The following RANBP2 variants were observed in gnomAD, a reference collection of about 807,000 sequenced individuals.
The protein encoded by RANBP2 is RAN binding protein 2.
RANBP2 carries 57 observed loss-of-function variants against 303.6 expected under a neutral mutation model. That is an observed-to-expected ratio of 0.19 (90% CI 0.15 to 0.23). The LOEUF (loss-of-function observed/expected upper bound fraction) is 0.23, where lower values mean the gene tolerates loss of function less well. Among genes scored for constraint, RANBP2 ranks in the 10% least tolerant of loss-of-function variants. The pLI is 1.00. For synonymous variants in RANBP2, 1,167 were observed against 1,301.5 expected, an observed-to-expected ratio of 0.90 and a Z score of 2.23; for missense variants, 3,138 against 3,780.8, an observed-to-expected ratio of 0.83 and a Z score of 4.46.
At chr2:109,652,799 T>C in the RANBP2 span, among the ~76,000 whole-genome samples, 41 of 152,320 alleles carry the variant, frequency 2.7e-4, no homozygotes, top group South Asian at 3.3e-3. Context: ...ACGGATTTGC[T>C]CTGACTGGTA....
chr2:109,032,162 C>G, the RANBP2 span, among the ~76,000 whole-genome samples: 1 of 152,150 alleles, frequency 6.6e-6, no homozygotes, highest in Non-Finnish European at 1.5e-5. Flanking sequence ...CACCTTCCCC[C>G]TGTTTTGTTA....
the RANBP2 span, among the ~76,000 whole-genome samples, chr2:109,714,964 T>G: frequency 8.2e-3 from 133 of 16,254 alleles, 1 homozygote; most frequent in African/African-American, 0.028. Flanking sequence ...AGGTTTTTTT[T>G]GGGGGGGTGG....
At chr2:109,183,651 T>C in the RANBP2 span, among the ~76,000 whole-genome samples, 1 of 152,350 alleles carries the variant, frequency 6.6e-6, no homozygotes, top group Admixed American at 6.5e-5. Flanking sequence ...CCACTCACTC[T>C]TTGATTCTGA....
chr2:108,800,136 G>A, the RANBP2 span, among the ~76,000 whole-genome samples: 1 of 152,054 alleles, frequency 6.6e-6, no homozygotes, highest in Non-Finnish European at 1.5e-5. Flanking sequence ...TTCTTTGTAT[G>A]TTCAGTGATT....
At chr2:109,614,750 G>C in the RANBP2 span, 14 of 1,482,640 alleles carry the variant, frequency 9.4e-6, no homozygotes, top group African/African-American at 1.9e-4. Flanking sequence ...GTGAAGGGCC[G>C]TCCGAGCCCT....
chr2:109,419,577 C>A, the RANBP2 span: 1 of 1,599,014 alleles, frequency 6.3e-7, no homozygotes, highest in Non-Finnish European at 8.5e-7. Context: ...CCACGGCTGT[C>A]CCACGGGCTG....
the RANBP2 span, chr2:109,501,703 G>A: frequency 4.1e-6 from 3 of 728,360 alleles, no homozygotes; most frequent in African/African-American, 3.5e-5. Flanking sequence ...AGCTCACAGA[G>A]GGGGAGGCCG....
At chr2:109,166,459 G>GGAA in the RANBP2 span, among the ~76,000 whole-genome samples, 1,304 of 134,298 alleles carry the variant, frequency 9.7e-3, 34 homozygotes, top group African/African-American at 0.034. Flanking sequence ...CCTGGTGACA[G>GGAA]AAAAAAAAAA....
chr2:109,268,601 T>G, the RANBP2 span, among the ~76,000 whole-genome samples: 4 of 152,222 alleles, frequency 2.6e-5, no homozygotes, highest in Admixed American at 6.5e-5. Context: ...GGTCCCCCAC[T>G]GAACAATTTT....
chr2:109,698,443 A>G, the RANBP2 span, among the ~76,000 whole-genome samples: 1 of 150,944 alleles, frequency 6.6e-6, no homozygotes, highest in Non-Finnish European at 1.5e-5. Context: ...TCCAGCCTGG[A>G]CGACAGAGTG....
the RANBP2 span, among the ~76,000 whole-genome samples, chr2:109,630,489 C>T: frequency 5.3e-5 from 8 of 152,336 alleles, no homozygotes; most frequent in South Asian, 6.2e-4. Flanking sequence ...CCCTGCCTTG[C>T]GGTTCCTGTG....
At chr2:109,717,272 C>CAAAAAAAAAAAAA in the RANBP2 span, among the ~76,000 whole-genome samples, 1 of 124,796 alleles carries the variant, frequency 8.0e-6, no homozygotes, top group African/African-American at 3.2e-5. Flanking sequence ...AAAAACAAAC[C>CAAAAAAAAAAAAA]AAAAAAAAAA....
chr2:108,853,920 AT>A, the RANBP2 span, among the ~76,000 whole-genome samples: 16 of 122,872 alleles, frequency 1.3e-4, no homozygotes, highest in African/African-American at 4.9e-4. Context: ...TATAGTATAT[AT>A]ATTATATATA....
At chr2:109,188,824 A>G in the RANBP2 span, among the ~76,000 whole-genome samples, 1 of 152,010 alleles carries the variant, frequency 6.6e-6, no homozygotes, top group African/African-American at 2.4e-5. Flanking sequence ...AACTGTTCCT[A>G]CTTTCTAGGG....
At chr2:109,369,721 TC>T in the RANBP2 span, among the ~76,000 whole-genome samples, 2 of 152,116 alleles carry the variant, frequency 1.3e-5, no homozygotes, top group African/African-American at 4.8e-5. Context: ...TTCTGTGTGA[TC>T]CCACATGGGC....
chr2:109,075,971 C>T, the RANBP2 span, among the ~76,000 whole-genome samples: 6 of 150,618 alleles, frequency 4.0e-5, 1 homozygote, highest in Non-Finnish European at 5.9e-5. Context: ...GATATCAGAA[C>T]CAAAGAAACC....
At chr2:109,665,736 G>A in the RANBP2 span, 2 of 155,988 alleles carry the variant, frequency 1.3e-5, no homozygotes, top group South Asian at 2.0e-4. Flanking sequence ...TTTCCAATTG[G>A]CCAATGCCAA....
the RANBP2 span, among the ~76,000 whole-genome samples, chr2:109,061,734 C>T: frequency 1.3e-5 from 2 of 152,040 alleles, no homozygotes; most frequent in Admixed American, 1.3e-4. Flanking sequence ...CAATTTTGGA[C>T]ATTAAAAAGT....
the RANBP2 span, among the ~76,000 whole-genome samples, chr2:109,338,524 C>T: frequency 6.6e-6 from 1 of 151,964 alleles, no homozygotes; most frequent in Admixed American, 6.6e-5. Context: ...GTTAGGGCAA[C>T]AACCCCCGGC....
Sources: gnomAD v4.1 joint callset for allele counts (sites outside exome capture counted in the v4.1 genomes callset) on GRCh38, gnomAD v4.1.1 for gene constraint, MANE v1.5 for transcripts, NCBI Gene and HGNC (gene_info 2026-07-23, HGNC 2026-07-21) for gene names.